FGD4: variants seen among roughly 807,000 people sequenced by gnomAD.
FGD4 encodes FYVE, RhoGEF and PH domain-containing protein 4.
FGD4 carries 42 observed loss-of-function variants against 102.0 expected under a neutral mutation model. The observed-to-expected ratio is 0.41, with a 90% CI of 0.32 to 0.53. The LOEUF (loss-of-function observed/expected upper bound fraction) is 0.53. Ranked by LOEUF, FGD4 falls within the 20% of genes least tolerant of loss-of-function variation. FGD4 has a pLI of 0.21. For synonymous variants in FGD4, 380 were observed against 375.7 expected (o/e 1.01, Z -0.13); for missense variants, 902 against 1,078.2 (o/e 0.84, Z 2.29).
chr12:32,439,098 C>G (rs961624788), intron 1 of FGD4, among the ~76,000 whole-genome samples: 1 of 152,072 alleles, frequency 6.6e-6, no homozygotes, highest in African/African-American at 2.4e-5. Context: ...AATTTTGTAT[C>G]CTTTGACCAA....
chr12:32,534,813 GT>G (rs1942108382), intron 1 of FGD4, among the ~76,000 whole-genome samples: 1 of 152,170 alleles, frequency 6.6e-6, no homozygotes, highest in Non-Finnish European at 1.5e-5. Flanking sequence ...GAAAGGAACA[GT>G]TTTCTCTTTT....
At position 32,412,649 on chromosome 12, in the gene FGD4, G is replaced by A. The variant is rs143956170; in HGVS notation, c.166+12690G>A. On this transcript the variant is annotated intron_variant, in intron 1 of 16. Coordinates refer to ENST00000534526, the MANE Select transcript of FGD4 (RefSeq NM_001370298.3). The stretch of plus-strand genomic sequence containing the variant: ...TTTTGAGATGGAGTCTCGCGCCATC[G>A]CCAGGCTGGAGTGCATTGGCGCGAT... 9.9e-4 allele frequency among the ~76,000 whole-genome samples: 151 copies of A among 152,094 alleles called. 2 individuals carry two copies. The highest frequency in any genetic ancestry group is 1.9e-3 in the South Asian group (9 of 4,814).
At chr12:32,435,424 T>C (rs900628686) in intron 1 of FGD4, among the ~76,000 whole-genome samples, 1 of 151,980 alleles carries the variant, frequency 6.6e-6, no homozygotes, top group Non-Finnish European at 1.5e-5. Flanking sequence ...TTATGAAGGA[T>C]TAAATAGAGT....
At chr12:32,625,197 C>A in intron 13 of FGD4, 129 bp downstream of exon 13, 4 of 686,046 alleles carry the variant, frequency 5.8e-6, no homozygotes, top group Non-Finnish European at 1.0e-5. Context: ...GACAGAATCT[C>A]ATTCTTTCTT....
At chr12:32,419,061 G>A (rs541222835) in intron 1 of FGD4, among the ~76,000 whole-genome samples, 23 of 152,194 alleles carry the variant, frequency 1.5e-4, no homozygotes, top group South Asian at 1.5e-3. Flanking sequence ...GGGCTCTTCC[G>A]TCAGCTTGTG....
At chr12:32,572,177 T>C (rs1945731636) in intron 2 of FGD4, among the ~76,000 whole-genome samples, 1 of 152,202 alleles carries the variant, frequency 6.6e-6, no homozygotes, top group Non-Finnish European at 1.5e-5. Context: ...ATAGACATGT[T>C]GTTTTCATTT....
intron 1 of FGD4, among the ~76,000 whole-genome samples, chr12:32,433,472 C>G (rs887744302): frequency 6.6e-6 from 1 of 152,024 alleles, no homozygotes; most frequent in African/African-American, 2.4e-5. Context: ...CCTCAGCCTC[C>G]CGAGTAGCTG....
intron 1 of FGD4, among the ~76,000 whole-genome samples, chr12:32,513,813 T>G (rs901008344): frequency 6.6e-6 from 1 of 152,176 alleles, no homozygotes; most frequent in East Asian, 1.9e-4. Flanking sequence ...CAGACTTGGA[T>G]CCTATGTTTG....
intron 1 of FGD4, among the ~76,000 whole-genome samples, chr12:32,552,662 T>C (rs989944297): frequency 1.3e-5 from 2 of 151,918 alleles, no homozygotes; most frequent in Admixed American, 1.3e-4. Flanking sequence ...TGAGGGCAAA[T>C]ATGAGGGAGA....
intron 1 of FGD4, among the ~76,000 whole-genome samples, chr12:32,454,810 T>G (rs547651803): frequency 6.6e-6 from 1 of 152,300 alleles, no homozygotes; most frequent in East Asian, 1.9e-4. Context: ...TTCTTTTAAG[T>G]TGCCTTTTTT....
chr12:32,557,375 C>T (rs1283369929), intron 1 of FGD4, among the ~76,000 whole-genome samples: 1 of 152,176 alleles, frequency 6.6e-6, no homozygotes, highest in African/African-American at 2.4e-5. Context: ...TCTTTCAGTA[C>T]ATTTCTATAC....
intron 15 of FGD4, among the ~76,000 whole-genome samples, chr12:32,636,615 A>G (rs1313702646): frequency 1.3e-5 from 2 of 151,948 alleles, no homozygotes; most frequent in Non-Finnish European, 2.9e-5. Context: ...TGTAAAATAC[A>G]CTGTAATGCA....
At chr12:32,462,641 A>G (rs1943139174) in intron 1 of FGD4, among the ~76,000 whole-genome samples, 1 of 152,228 alleles carries the variant, frequency 6.6e-6, no homozygotes, top group African/African-American at 2.4e-5. Context: ...GAAAAAGATA[A>G]GAAGACATTT....
intron 1 of FGD4, among the ~76,000 whole-genome samples, chr12:32,412,847 T>C (rs1228659966): frequency 6.6e-6 from 1 of 151,414 alleles, no homozygotes; most frequent in Admixed American, 6.6e-5. Flanking sequence ...CCTAAAGTTC[T>C]GGGATTACAG....
At chr12:32,512,362 G>A (rs567250540) in intron 1 of FGD4, among the ~76,000 whole-genome samples, 3 of 151,908 alleles carry the variant, frequency 2.0e-5, no homozygotes, top group East Asian at 1.9e-4. Flanking sequence ...CAGGAGAATC[G>A]CTTGAACCTG....
chr12:32,639,660 ACCAGGT>A (rs1192974267), intron 16 of FGD4, among the ~76,000 whole-genome samples: 3 of 152,230 alleles, frequency 2.0e-5, no homozygotes. Context: ...CAAGAGCAGC[ACCAGGT>A]CCTATGATTG....
chr12:32,494,555 T>C (rs1252851026), intron 1 of FGD4, among the ~76,000 whole-genome samples: 1 of 152,260 alleles, frequency 6.6e-6, no homozygotes, highest in East Asian at 1.9e-4. Context: ...ACACATTTAC[T>C]GGTGATACCT....
At chr12:32,400,964 A>G (rs2136373610) in intron 1 of FGD4, among the ~76,000 whole-genome samples, 2 of 152,350 alleles carry the variant, frequency 1.3e-5, no homozygotes, top group South Asian at 4.1e-4. Context: ...ATATAACTAC[A>G]GTAGATAAGG....
chr12:32,462,347 G>A (rs1205550919), intron 1 of FGD4, among the ~76,000 whole-genome samples: 1 of 151,886 alleles, frequency 6.6e-6, no homozygotes, highest in East Asian at 1.9e-4. Flanking sequence ...TTTTAGTATA[G>A]ACAGGGTTTC....
Sources: gnomAD v4.1 joint callset for allele counts (sites outside exome capture counted in the v4.1 genomes callset) on GRCh38, gnomAD v4.1.1 for gene constraint, MANE v1.5 for transcripts, NCBI Gene and HGNC (gene_info 2026-07-23, HGNC 2026-07-21) for gene names.